Variants in DDX31 observed in about 807,000 individuals in gnomAD.
The protein encoded by DDX31 is ATP-dependent DNA helicase DDX31.
In DDX31, 70 loss-of-function variants were observed where a neutral mutation model predicts 91.3. That is an observed-to-expected ratio of 0.77 (90% CI 0.63 to 0.94). The LOEUF (loss-of-function observed/expected upper bound fraction) is 0.94, where lower values mean the gene tolerates loss of function less well. Among genes scored for constraint, DDX31 ranks in the 40% least tolerant of loss-of-function variants. DDX31 has a pLI of 0.00. For missense variants in DDX31, 902 were observed against 925.0 expected (o/e 0.98, Z 0.32); for synonymous variants, 362 against 350.6 (o/e 1.03, Z -0.36).
Position 132,646,865 on chromosome 9 carries a change from C to T in DDX31, c.1161G>A (p.Leu387=). Residue 387 remains leucine, a synonymous_variant, in exon 12 of 20, where the codon CTG becomes CTA. Transcript: ENST00000372159. ...TGAAGGCCGCTAGGCAGACAAGCCTCAGTTTGCTGGGAACCACAGTCACAT... is the reference window on the plus strand; with the variant it reads ...TGAAGGCCGCTAGGCAGACAAGCCTTAGTTTGCTGGGAACCACAGTCACAT... ...KQHVTVVPSK[L]RLVCLAAFIL... is the part of the protein sequence containing the mutation. The T allele has an allele frequency of 6.2e-7, 1 of 1,614,178 alleles. No individual in the cohort carries two copies. The highest frequency in any genetic ancestry group is 8.5e-7 in the Non-Finnish European group (1 of 1,180,024).
rs3739911 is a variant in DDX31, at chr9:132,595,329, G to C, written c.1995-217C>G. 6.6e-6 allele frequency among the ~76,000 whole-genome samples: 1 copy of C among 152,146 alleles called. No homozygotes were observed. The highest frequency in any genetic ancestry group is 2.4e-5 in the African/African-American group (1 of 41,414). ...TTCATAACAGCGGCAAAATATCATG[G>C]CATTTTTAAAAGTGAGGCTTTGTTC... On this transcript the variant is annotated intron_variant, in intron 19 of 19. Transcript: ENST00000372159. The surrounding 1 kb of genome is among the most constrained non-coding windows in gnomAD (Gnocchi z 4.6).
At chr9:132,630,212 GA>G (rs761486264) in intron 16 of DDX31, 51 bp downstream of exon 16, 22 of 1,506,316 alleles carry the variant, frequency 1.5e-5, no homozygotes, top group African/African-American at 2.8e-5. Flanking sequence ...AAAAGCGACA[GA>G]AAGTTAATTA....
intron 16 of DDX31, among the ~76,000 whole-genome samples, chr9:132,626,695 T>C (rs1832415076): frequency 6.6e-6 from 1 of 151,738 alleles, no homozygotes; most frequent in Non-Finnish European, 1.5e-5. Context: ...ACCTCTTAGG[T>C]GGGAGAAGAC....
chr9:132,607,687 T>G (rs1196883519), intron 19 of DDX31, among the ~76,000 whole-genome samples: 1 of 152,196 alleles, frequency 6.6e-6, no homozygotes, highest in East Asian at 1.9e-4. Context: ...AATTTTATTT[T>G]TATTTTTTAG....
rs373734265 is a variant in DDX31, at chr9:132,659,308, G to A, written c.523+402C>T. ...GCAAGTCCAGACTGGCCTGGAACAC[G>A]GCAGAAACAGTGTTCTGTCCTCGAG... On this transcript the variant is annotated intron_variant, in intron 5 of 19. Transcript: ENST00000372159. Among the ~76,000 whole-genome samples, 190 of 152,288 alleles carry A rather than the reference G, an allele frequency of 1.2e-3. 1 individual carries two copies. Among genetic ancestry groups the A allele is most frequent in the African/African-American group, 4.4e-3 (184 of 41,544 alleles).
chr9:132,669,748 G>A (rs1051601853), intron 1 of DDX31, 112 bp downstream of exon 1: 4 of 1,526,106 alleles, frequency 2.6e-6, no homozygotes, highest in East Asian at 4.9e-5. Context: ...TCTTTCTCCC[G>A]CTTAACTCCG....
rs148739398 is a variant in DDX31 at position 132,649,353 on chromosome 9, A to G, written c.741-802T>C. ...CAATCACACAAGCACCTTCAGAGGG[A>G]GCAGGTATGAGCATCTCTGTACCCG... On this transcript the variant is annotated intron_variant, in intron 9 of 19. Transcript: ENST00000372159. Among the ~76,000 whole-genome samples the G allele has an allele frequency of 3.8e-3, 585 of 152,340 alleles. 3 individuals are homozygous for G. Among genetic ancestry groups the G allele is most frequent in the African/African-American group, 0.011 (463 of 41,574 alleles).
chr9:132,632,209 ATTCGGG>A (rs1832776243), intron 14 of DDX31, 118 bp from the exon 15 acceptor site: 1 of 585,506 alleles, frequency 1.7e-6, no homozygotes, highest in Non-Finnish European at 2.8e-6. Flanking sequence ...GTACATGCAC[ATTCGGG>A]CATACACGTA....
intron 4 of DDX31, among the ~76,000 whole-genome samples, chr9:132,660,811 T>C (rs1834885764): frequency 6.6e-6 from 1 of 152,234 alleles, no homozygotes; most frequent in African/African-American, 2.4e-5. Context: ...ATTGAAAACA[T>C]TTTTTCAGTA....
In DDX31 at chr9:132,642,704, T is replaced by C. The variant is rs187481716; in HGVS notation, c.1381-641A>G. Among the ~76,000 whole-genome samples, 336 of 152,136 alleles carry C rather than the reference T, an allele frequency of 2.2e-3. 1 individual carries two copies. The highest frequency in any genetic ancestry group is 3.0e-3 in the Non-Finnish European group (206 of 67,996). ...CATGCTCTTATATAGCAACAGAATA[T>C]GAACATCTCTTCATGCCAATAAGTA... On this transcript the variant is annotated intron_variant, in intron 13 of 19. Coordinates refer to ENST00000372159, the MANE Select transcript of DDX31 (RefSeq NM_022779.9).
At position 132,658,129 on chromosome 9, in the gene DDX31, G is replaced by C. The variant is rs1590094868; in HGVS notation, c.588+542C>G. 9 of 567,074 alleles carry C rather than the reference G, an allele frequency of 1.6e-5. No individual in the cohort carries two copies. In the East Asian group the frequency reaches 2.5e-4, roughly 16 times the overall value. The allele number at this position is 567,074 out of a possible 1,614,324, so 35.1% of individuals were successfully genotyped here. ...TTTATTGAGTGACCATTCTGTAAAA[G>C]GTCCCACGTTAGGTACTGTGGAAGA... is the stretch of plus-strand genomic sequence containing the variant. On this transcript the variant is annotated intron_variant, in intron 6 of 19. Transcript: ENST00000372159.
At chr9:132,638,972 T>A (rs1363477476) in intron 14 of DDX31, among the ~76,000 whole-genome samples, 1 of 152,154 alleles carries the variant, frequency 6.6e-6, no homozygotes, top group Non-Finnish European at 1.5e-5. Flanking sequence ...CATGTAACGA[T>A]TAACAGCACG....
rs374984597 is a variant in DDX31 at position 132,594,995 on chromosome 9, T to C, written c.2112A>G (p.Gly704=). 9.3e-6 allele frequency: 15 copies of C among 1,614,106 alleles called. No individual in the cohort carries two copies. In the African/African-American group the frequency reaches 1.9e-4, roughly 20 times the overall value. ...GCTGCAGGGGCCGGCCACCAGGCTC[T>C]CCAGGTGCGTTTTGCTTTTTGACCT... The part of the protein sequence containing the change: ...IAKVKKQNAP[G]EPGGRPLQHS... The change falls in exon 20 of 20, where the codon GGA becomes GGG. Residue 704 remains glycine, a synonymous_variant. Transcript: ENST00000372159.
rs530654172 is a variant in DDX31 at position 132,608,740 on chromosome 9, T to C, written c.1994+3347A>G. ...AAACATAAGGAACCCATTCTCTTTCTTGACAGACGGATTTCAGAGGAGACG... is the reference window on the plus strand; with the variant it reads ...AAACATAAGGAACCCATTCTCTTTCCTGACAGACGGATTTCAGAGGAGACG... On this transcript the variant is annotated intron_variant, in intron 19 of 19. Coordinates refer to ENST00000372159, the MANE Select transcript of DDX31 (RefSeq NM_022779.9). Among the ~76,000 whole-genome samples the C allele has an allele frequency of 2.6e-5, 4 of 152,372 alleles. No individual in the cohort carries two copies. In the East Asian group the frequency reaches 5.8e-4, roughly 22 times the overall value.
rs1455522693 is a variant in DDX31 at position 132,658,314 on chromosome 9, CCTAAGCCT to C, written c.588+349_588+356del. On this transcript the variant is annotated intron_variant, in intron 6 of 19. Transcript: ENST00000372159. ...TGCATGGCCTTGGTTATTTAACTTT[CCTAAGCCT>C]CTGTTCTTCTTCGTAAAATGTGGAT... 1.0e-5 allele frequency: 7 copies of C among 703,204 alleles called. No individual in the cohort carries two copies. The South Asian group carries it at 1.0e-4, about 10-fold the overall frequency. The allele number at this position is 703,204 out of a possible 1,614,324, so 43.6% of individuals were successfully genotyped here. A position where few individuals can be genotyped will look rare whatever the true frequency, so the allele number is the denominator to read the frequency against.
At chr9:132,621,522 T>C (rs1590004826) in intron 17 of DDX31, among the ~76,000 whole-genome samples, 1 of 152,294 alleles carries the variant, frequency 6.6e-6, no homozygotes, top group South Asian at 2.1e-4. Context: ...AGCCCAAAAA[T>C]GTATGTGCCA....
rs560347255 is a variant in DDX31 at position 132,668,067 on chromosome 9, T to C, written c.75+1793A>G. Among the ~76,000 whole-genome samples, 54 of 152,288 alleles carry C rather than the reference T, an allele frequency of 3.5e-4. 1 individual carries two copies. The highest frequency in any genetic ancestry group is 8.5e-4 in the Admixed American group (13 of 15,288). On this transcript the variant is annotated intron_variant, in intron 1 of 19. Coordinates refer to ENST00000372159, the MANE Select transcript of DDX31 (RefSeq NM_022779.9). ...CAAGTGTATCCTATTCCAAATCCCA[T>C]GCTCCCAGTGGCTCTTCTATCCTTC...
At chr9:132,664,781 C>T (rs1356425030) in intron 1 of DDX31, among the ~76,000 whole-genome samples, 1 of 151,548 alleles carries the variant, frequency 6.6e-6, no homozygotes, top group Admixed American at 6.6e-5. Context: ...GACCTCTGGC[C>T]ACCTCACCAG....
Position 132,645,955 on chromosome 9 carries a change from C to T in DDX31, c.1320G>A (p.Gln440=). ...TTAATCGCATGGAGGCAGATGGCAACTGCCCTGATGCCGGCGCCCCTGAGC... is the reference window on the plus strand; with the variant it reads ...TTAATCGCATGGAGGCAGATGGCAATTGCCCTGATGCCGGCGCCCCTGAGC... The part of the protein sequence containing the change: ...LSSSGAPASG[Q]LPSASMRLKF... Residue 440 remains glutamine, a synonymous_variant, in exon 13 of 20, where the codon CAG becomes CAA. Transcript: ENST00000372159. The T allele has an allele frequency of 6.2e-7, 1 of 1,613,988 alleles. No homozygotes were observed. Among genetic ancestry groups the T allele is most frequent in the Non-Finnish European group, 8.5e-7 (1 of 1,179,952 alleles).
Sources: allele counts gnomAD v4.1 joint callset (sites outside exome capture counted in the v4.1 genomes callset), GRCh38; gene constraint gnomAD v4.1.1; non-coding constraint Gnocchi (gnomAD v3.1); transcripts MANE v1.5; gene names NCBI Gene and HGNC (gene_info 2026-07-23, HGNC 2026-07-21).